The following GDPD2 variants were observed in gnomAD, a reference collection of about 807,000 sequenced individuals.
GDPD2 encodes glycerophosphodiester phosphodiesterase 3.
Under a neutral mutation model 49.2 loss-of-function variants are expected in GDPD2, and 23 were observed. The observed-to-expected ratio is 0.47, with a 90% CI of 0.34 to 0.66. The LOEUF (loss-of-function observed/expected upper bound fraction) is 0.66, where lower values mean the gene tolerates loss of function less well. Ranked by LOEUF, GDPD2 falls within the 30% of genes least tolerant of loss-of-function variation. The probability of loss-of-function intolerance (pLI) is 0.01; values close to 1 mark genes in which losing one functional copy is unlikely to be tolerated. For synonymous variants in GDPD2, 167 were observed against 171.4 expected (o/e 0.97, Z 0.20); for missense variants, 338 against 424.7 (o/e 0.80, Z 1.79).
In GDPD2 at chrX:70,426,048, C is replaced by G. The variant is rs181727693; in HGVS notation, c.304-4C>G. On this transcript the variant is annotated splice_region_variant and splice_polypyrimidine_tract_variant and intron_variant, in intron 4 of 15. Coordinates refer to ENST00000374382, the MANE Select transcript of GDPD2 (RefSeq NM_017711.4). ...CCATAAGTCCCACTGCTCTCTTCCT[C>G]TAGGTCCTGGCCCTGCTCCTGCGGC... is the stretch of plus-strand genomic sequence containing the variant. The G allele has an allele frequency of 1.4e-3, 1,680 of 1,203,878 alleles. 2 individuals are homozygous for G. The highest frequency in any genetic ancestry group is 1.6e-3 in the Non-Finnish European group (1,462 of 889,348).
At chrX:70,429,033 C>T (rs761442391) in intron 10 of GDPD2, among the ~76,000 whole-genome samples, 1 of 112,222 alleles carries the variant, frequency 8.9e-6, no homozygotes, top group African/African-American at 3.2e-5. Flanking sequence ...CTGCCCATGG[C>T]AGCGCTCAGC....
chrX:70,427,322 G>A lies in GDPD2; in HGVS notation c.795G>A (p.Gly265=). The A allele has an allele frequency of 8.3e-7, 1 of 1,210,832 alleles. No homozygotes were observed. The highest frequency in any genetic ancestry group is 1.1e-6 in the Non-Finnish European group (1 of 894,931). ...CCCCTTGTGCCCTCAGCTCCGATGGGGTCCCCTTCCTCATGCATGATGAGC... is the reference window on the plus strand; with the variant it reads ...CCCCTTGTGCCCTCAGCTCCGATGGAGTCCCCTTCCTCATGCATGATGAGC... ...FETDVMVSSD[G]VPFLMHDEHL... is the part of the protein sequence containing the mutation. The change falls in exon 10 of 16, where the codon GGG becomes GGA. Residue 265 remains glycine, a synonymous_variant. Transcript: ENST00000374382.
intron 12 of GDPD2, among the ~76,000 whole-genome samples, 175 bp from the exon 13 acceptor site, chrX:70,432,132 G>C (rs766355539): frequency 9.8e-5 from 11 of 111,813 alleles, no homozygotes; most frequent in Non-Finnish European, 2.1e-4. Flanking sequence ...TCCACCAGAA[G>C]ACAGAGTTCA....
intron 2 of GDPD2, 56 bp downstream of exon 2, chrX:70,425,145 G>A (rs1194272236): frequency 1.0e-5 from 9 of 898,156 alleles, no homozygotes; most frequent in Non-Finnish European, 1.1e-5. Context: ...GCTCACTGGA[G>A]GGGATAAGGA....
At chrX:70,430,873 G>A in intron 12 of GDPD2, 1 of 392,591 alleles carries the variant, frequency 2.5e-6, no homozygotes, top group African/African-American at 2.6e-5. Flanking sequence ...CCTGATCAGA[G>A]CTCACTGCAG....
chrX:70,431,908 G>T (rs944037095), intron 12 of GDPD2, among the ~76,000 whole-genome samples: 1 of 111,640 alleles, frequency 9.0e-6, no homozygotes, highest in Non-Finnish European at 1.9e-5. Flanking sequence ...TTCAGAGACG[G>T]GCCCCATATT....
rs753086327 is a variant in GDPD2, at chrX:70,433,079, T to C, written c.1613T>C (p.Met538Thr). Residue 538 changes from methionine (M) to threonine (T), a missense_variant, in exon 16 of 16, where the codon ATG becomes ACG. Met to Thr is a moderately conservative substitution (Grantham distance 81). This residue lies in a region of GDPD2 where 253 missense variants were observed against 330.4 expected (regional missense o/e 0.77). Coordinates refer to ENST00000374382, the MANE Select transcript of GDPD2 (RefSeq NM_017711.4). ...CTGACAAGGATCAACAATTTCATGA[T>C]GGAGTGAATGCCCTGCCCTGCTTCC... ...VLLTRINNFM[M>T]E 5.0e-6 allele frequency: 6 copies of C among 1,191,687 alleles called. No individual in the cohort carries two copies. The highest frequency in any genetic ancestry group is 2.2e-5 in the Admixed American group (1 of 45,396).
chrX:70,425,192 C>A (rs2086409479), intron 2 of GDPD2, 103 bp downstream of exon 2: 1 of 663,562 alleles, frequency 1.5e-6, no homozygotes, highest in Non-Finnish European at 2.4e-6. Context: ...GGGGAAGGGG[C>A]TCTCTCTCCC....
Position 70,433,335 on chromosome X carries a change from C to T in GDPD2, c.*249C>T. 1 of 413,880 alleles carries T rather than the reference C, an allele frequency of 2.4e-6. No homozygotes were observed. The highest frequency in any genetic ancestry group is 4.2e-6 in the Non-Finnish European group (1 of 238,465). The allele number at this position is 413,880 out of a possible 1,213,427, so 34.1% of individuals were successfully genotyped here. On this transcript the variant is annotated 3_prime_UTR_variant, in exon 16 of 16. Coordinates refer to ENST00000374382, the MANE Select transcript of GDPD2 (RefSeq NM_017711.4). The stretch of plus-strand genomic sequence containing the variant: ...AGAGAGTGAGTAATGAGAAGTTTCT[C>T]CTCAAATGAAACTAGAACAGAGGAA...
chrX:70,424,041 G>C (rs2086400671), intron 1 of GDPD2, among the ~76,000 whole-genome samples: 1 of 111,835 alleles, frequency 8.9e-6, no homozygotes, highest in African/African-American at 3.3e-5. Flanking sequence ...CGTAGAATCA[G>C]TCACGTACCC....
At chrX:70,430,971 T>TTTTTA in intron 12 of GDPD2, 1 of 421,117 alleles carries the variant, frequency 2.4e-6, no homozygotes, top group Non-Finnish European at 4.1e-6. Flanking sequence ...TTTTTTTTTT[T>TTTTTA]AGAGACAGGT....
At chrX:70,430,558 G>A (rs1008368693) in intron 12 of GDPD2, among the ~76,000 whole-genome samples, 18 of 111,159 alleles carry the variant, frequency 1.6e-4, no homozygotes, top group Non-Finnish European at 3.4e-4. Context: ...GGCCAAATTG[G>A]GTAGGACCTT....
intron 5 of GDPD2, 21 bp from the exon 6 acceptor site, chrX:70,426,350 C>T: frequency 8.3e-7 from 1 of 1,198,895 alleles, no homozygotes; most frequent in Non-Finnish European, 1.1e-6. Context: ...CAAGAGGCCT[C>T]ATTCATCCCT....
rs777315658 is a variant in GDPD2 at position 70,425,012 on chromosome X, G to A, written c.28G>A (p.Val10Ile). MAESPGCCSVWARCLHCLYS... is the reference protein window; with the variant it reads MAESPGCCSIWARCLHCLYS... The stretch of plus-strand genomic sequence containing the variant: ...GGCCGAGTCCCCCGGCTGCTGCTCC[G>A]TCTGGGCCCGCTGCCTCCACTGCCT... The change falls in exon 2 of 16, where the codon GTC (valine) becomes ATC (isoleucine). Residue 10 changes from valine (V) to isoleucine (I), a missense_variant. Coordinates refer to ENST00000374382, the MANE Select transcript of GDPD2 (RefSeq NM_017711.4). The A allele has an allele frequency of 1.1e-5, 13 of 1,196,338 alleles. No individual in the cohort carries two copies. The East Asian group carries it at 1.2e-4, about 11-fold the overall frequency.
At position 70,432,418 on chromosome X, in the gene GDPD2, G is replaced by A. The variant is rs201419384; in HGVS notation, c.1419G>A (p.Gln473=). 8.3e-6 allele frequency: 10 copies of A among 1,209,086 alleles called. No individual in the cohort carries two copies. The East Asian group carries it at 1.5e-4, about 18-fold the overall frequency. The change falls in exon 13 of 16, where the codon CAG becomes CAA. Residue 473 remains glutamine, a synonymous_variant. Coordinates refer to ENST00000374382, the MANE Select transcript of GDPD2 (RefSeq NM_017711.4). ...GVDSVTTNDC[Q]LLQQMRYPIW... ...ATTCGGTCACCACCAACGACTGCCA[G>A]CTGCTGCAGCAGATGCGTTACCCTA...
chrX:70,425,932 TG>T, intron 4 of GDPD2, 76 bp downstream of exon 4: 1 of 886,553 alleles, frequency 1.1e-6, no homozygotes, highest in Non-Finnish European at 1.7e-6. Flanking sequence ...ATTCTCATCC[TG>T]GCCACTGAGG....
At chrX:70,432,491 C>T (rs369356289) in intron 13 of GDPD2, 37 bp downstream of exon 13, 5 of 1,188,760 alleles carry the variant, frequency 4.2e-6, no homozygotes, top group Non-Finnish European at 5.7e-6. Context: ...CCTCTTCTCC[C>T]ATCCCTGGTT....
rs1417770124 is a variant in GDPD2 at position 70,426,129 on chromosome X, G to C, written c.363+18G>C. 5 of 1,157,380 alleles carry C rather than the reference G, an allele frequency of 4.3e-6. No homozygotes were observed. In the East Asian group the frequency reaches 1.5e-4, roughly 34 times the overall value. On this transcript the variant is annotated intron_variant, in intron 5 of 15. Coordinates refer to ENST00000374382, the MANE Select transcript of GDPD2 (RefSeq NM_017711.4). ...TCCACAAGGTACAGTAGGGATGGGA[G>C]TGCATGGGAGAGGGGGCCACTGGGC...
At chrX:70,427,731 G>A in intron 10 of GDPD2, 1 of 274,226 alleles carries the variant, frequency 3.6e-6, no homozygotes, top group South Asian at 1.1e-4. Flanking sequence ...GCACAAAGCA[G>A]GGAACAGGAA....
Sources: allele counts gnomAD v4.1 joint callset (sites outside exome capture counted in the v4.1 genomes callset), GRCh38; gene constraint gnomAD v4.1.1; regional missense constraint gnomAD v4.1.1; transcripts MANE v1.5; gene names NCBI Gene and HGNC (gene_info 2026-07-23, HGNC 2026-07-21).